FAF1: variants seen among roughly 807,000 people sequenced by gnomAD.
FAF1 encodes Fas associated factor 1.
In FAF1, 25 loss-of-function variants were observed where a neutral mutation model predicts 92.5. That is an observed-to-expected ratio of 0.27 (90% CI 0.20 to 0.38). The LOEUF is 0.38. FAF1 is among the 10% of genes least tolerant of loss of function. The probability of loss-of-function intolerance (pLI) is 1.00; values close to 1 mark genes in which losing one functional copy is unlikely to be tolerated. For missense variants in FAF1, 636 were observed against 793.3 expected (o/e 0.80, Z 2.38); for synonymous variants, 234 against 273.2 (o/e 0.86, Z 1.42).
intron 2 of FAF1, among the ~76,000 whole-genome samples, chr1:50,809,379 GA>G (rs77293990): frequency 4.0e-5 from 6 of 150,816 alleles, no homozygotes; most frequent in Admixed American, 1.3e-4. Flanking sequence ...GACTAATGAA[GA>G]AAAAAAAGAT....
At chr1:50,505,293 T>C (rs1647045935) in intron 15 of FAF1, among the ~76,000 whole-genome samples, 1 of 152,098 alleles carries the variant, frequency 6.6e-6, no homozygotes, top group African/African-American at 2.4e-5. Flanking sequence ...TGGAAATTCC[T>C]TACACAGGAA....
chr1:50,903,246 G>C (rs1644810190), intron 1 of FAF1, among the ~76,000 whole-genome samples: 1 of 152,150 alleles, frequency 6.6e-6, no homozygotes, highest in African/African-American at 2.4e-5. Flanking sequence ...TGCCAGCCAA[G>C]ATATTTCATT....
intron 2 of FAF1, among the ~76,000 whole-genome samples, chr1:50,830,280 A>G (rs1181065189): frequency 1.3e-5 from 2 of 152,018 alleles, no homozygotes; most frequent in African/African-American, 4.8e-5. Flanking sequence ...ACCATGTCCA[A>G]CTAATTTTTG....
At chr1:50,671,285 A>G (rs1459973648) in intron 7 of FAF1, among the ~76,000 whole-genome samples, 5 of 151,856 alleles carry the variant, frequency 3.3e-5, no homozygotes, top group South Asian at 2.1e-4. Context: ...CGAACCTGTA[A>G]TCCCAGTTAC....
intron 7 of FAF1, among the ~76,000 whole-genome samples, chr1:50,689,570 C>T (rs766634996): frequency 6.6e-6 from 1 of 151,900 alleles, no homozygotes; most frequent in African/African-American, 2.4e-5. Context: ...GGCGACAGAG[C>T]GAGACTCCGT....
At chr1:50,832,993 C>T (rs1164341872) in intron 2 of FAF1, among the ~76,000 whole-genome samples, 1 of 152,104 alleles carries the variant, frequency 6.6e-6, no homozygotes, top group East Asian at 1.9e-4. Flanking sequence ...AGAAGACAAT[C>T]ACTCTACCAT....
At chr1:50,949,878 G>A (rs963385459) in intron 1 of FAF1, among the ~76,000 whole-genome samples, 2 of 150,070 alleles carry the variant, frequency 1.3e-5, no homozygotes, top group Admixed American at 6.6e-5. Flanking sequence ...TTTTTTTTTC[G>A]AGACAGGGTC....
rs117479547 is a variant in FAF1 at position 50,638,345 on chromosome 1, T to C, written c.744+17097A>G. Among the ~76,000 whole-genome samples, 31 of 152,308 alleles carry C rather than the reference T, an allele frequency of 2.0e-4. No individual in the cohort carries two copies. The East Asian group carries it at 6.0e-3, about 29-fold the overall frequency. On this transcript the variant is annotated intron_variant, in intron 8 of 18. Coordinates refer to ENST00000396153, the MANE Select transcript of FAF1 (RefSeq NM_007051.3). The stretch of plus-strand genomic sequence containing the variant: ...CTAAGACTAGCAGTATAACATTGAA[T>C]AGAACTTGCGCAAGTGAACATCCTT...
At chr1:50,543,148 G>C (rs1033128592) in intron 13 of FAF1, among the ~76,000 whole-genome samples, 8 of 152,106 alleles carry the variant, frequency 5.3e-5, no homozygotes, top group Non-Finnish European at 1.0e-4. Flanking sequence ...TAATAAATCA[G>C]ATATGGCAAA....
At chr1:50,478,047 ATG>A (rs1646658913) in intron 17 of FAF1, among the ~76,000 whole-genome samples, 1 of 152,174 alleles carries the variant, frequency 6.6e-6, no homozygotes, top group Non-Finnish European at 1.5e-5. Context: ...AATTTTCCAC[ATG>A]TGTCCCTTAA....
At chr1:50,499,326 T>G (rs1292660192) in intron 15 of FAF1, among the ~76,000 whole-genome samples, 2 of 151,964 alleles carry the variant, frequency 1.3e-5, no homozygotes, top group African/African-American at 2.4e-5. Flanking sequence ...AGGAAAACAT[T>G]TGATCTTTCC....
At chr1:50,695,939 G>A (rs1210714842) in intron 7 of FAF1, among the ~76,000 whole-genome samples, 5 of 148,110 alleles carry the variant, frequency 3.4e-5, no homozygotes, top group African/African-American at 5.0e-5. Flanking sequence ...GTGAGTCACC[G>A]TGCTTGGCCT....
At chr1:50,912,903 A>G (rs1404940434) in intron 1 of FAF1, among the ~76,000 whole-genome samples, 2 of 152,250 alleles carry the variant, frequency 1.3e-5, no homozygotes, top group Non-Finnish European at 2.9e-5. Context: ...CTGAATTCTG[A>G]TAAACTATGT....
At chr1:50,753,185 A>G (rs922784895) in intron 4 of FAF1, among the ~76,000 whole-genome samples, 1 of 152,146 alleles carries the variant, frequency 6.6e-6, no homozygotes, top group African/African-American at 2.4e-5. Flanking sequence ...TACCATCCCC[A>G]ACCTCTTCCC....
intron 7 of FAF1, among the ~76,000 whole-genome samples, chr1:50,683,060 A>G (rs1477838507): frequency 1.3e-5 from 2 of 152,156 alleles, no homozygotes; most frequent in African/African-American, 4.8e-5. Flanking sequence ...AAATCTGAAT[A>G]TAGTGCACTT....
chr1:50,859,509 T>C (rs757636351), intron 1 of FAF1, among the ~76,000 whole-genome samples: 3 of 151,834 alleles, frequency 2.0e-5, no homozygotes, highest in South Asian at 4.1e-4. Context: ...CCATTTACAA[T>C]AGCCACAAAG....
intron 13 of FAF1, among the ~76,000 whole-genome samples, chr1:50,547,634 G>A (rs539427085): frequency 1.1e-4 from 17 of 152,086 alleles, no homozygotes; most frequent in Middle Eastern, 3.4e-3. Flanking sequence ...GGCTGGTCTC[G>A]AACTCCTGAC....
chr1:50,592,573 C>A lies in FAF1; in HGVS notation c.840+3548G>T, dbSNP rs116144893. Among the ~76,000 whole-genome samples, 508 of 152,244 alleles carry A rather than the reference C, an allele frequency of 3.3e-3. 1 individual carries two copies. The highest frequency in any genetic ancestry group is 0.012 in the African/African-American group (478 of 41,554). Reference sequence around the variant, plus strand: ...AGCTAAAGGAAATATAACTACAATCCATAAAGTCTAAAACTTGAATTTAAC... The same window carrying A: ...AGCTAAAGGAAATATAACTACAATCAATAAAGTCTAAAACTTGAATTTAAC... On this transcript the variant is annotated intron_variant, in intron 9 of 18. Transcript: ENST00000396153.
intron 2 of FAF1, among the ~76,000 whole-genome samples, chr1:50,809,743 A>G (rs2124603811): frequency 6.6e-6 from 1 of 152,362 alleles, no homozygotes; most frequent in East Asian, 1.9e-4. Context: ...TATTTAAGAA[A>G]GAAAGACTCC....
Sources: allele counts gnomAD v4.1 joint callset (sites outside exome capture counted in the v4.1 genomes callset), GRCh38; gene constraint gnomAD v4.1.1; transcripts MANE v1.5; gene names NCBI Gene and HGNC (gene_info 2026-07-23, HGNC 2026-07-21).